DLG2: variants seen among roughly 807,000 people sequenced by gnomAD.
DLG2 encodes the protein discs large MAGUK scaffold protein 2, also known as disks large homolog 2.
A neutral mutation model predicts 132.5 loss-of-function variants in DLG2; 45 were observed. The ratio of observed to expected loss-of-function variants is 0.34; its 90% CI spans 0.27 to 0.44. The LOEUF (loss-of-function observed/expected upper bound fraction) is 0.44, where lower values mean the gene tolerates loss of function less well. DLG2 is among the 20% of genes least tolerant of loss of function. The pLI, the probability that DLG2 is intolerant of heterozygous loss-of-function variation, is 1.00. For missense variants in DLG2, 1,045 were observed against 1,196.9 expected (o/e 0.87, Z 1.87); for synonymous variants, 424 against 419.6 (o/e 1.01, Z -0.13).
intron 6 of DLG2, among the ~76,000 whole-genome samples, chr11:84,746,853 AG>A (rs1389224602): frequency 1.3e-5 from 2 of 152,160 alleles, no homozygotes; most frequent in African/African-American, 4.8e-5. Flanking sequence ...GTGTATCCTC[AG>A]GAAGGTAGTA....
chr11:83,641,778 C>A (rs2066582313), intron 18 of DLG2, among the ~76,000 whole-genome samples: 1 of 152,086 alleles, frequency 6.6e-6, no homozygotes, highest in African/African-American at 2.4e-5. Context: ...AGTTGCCAAC[C>A]TGCCTCTGTG....
chr11:84,973,021 G>A (rs967796390), intron 6 of DLG2, among the ~76,000 whole-genome samples: 9 of 150,410 alleles, frequency 6.0e-5, no homozygotes, highest in Admixed American at 4.7e-4. Context: ...GCAGTGGCGC[G>A]ATCTCAGCTC....
intron 8 of DLG2, among the ~76,000 whole-genome samples, chr11:84,174,034 T>TTTTTTTTTTTTTTTTC (rs1252522989): frequency 1.4e-5 from 2 of 144,914 alleles, no homozygotes; most frequent in Non-Finnish European, 3.0e-5. Context: ...TTTTTTTTTT[T>TTTTTTTTTTTTTTTTC]TTCTGAGTAA....
intron 21 of DLG2, among the ~76,000 whole-genome samples, chr11:83,530,092 G>GTCTATCTA (rs1368387747): frequency 2.6e-5 from 4 of 151,856 alleles, no homozygotes; most frequent in African/African-American, 9.7e-5. Context: ...CTGTCTGTCT[G>GTCTATCTA]TCTGTCTATC....
chr11:83,513,168 A>G (rs1232810875), intron 21 of DLG2, among the ~76,000 whole-genome samples: 1 of 152,108 alleles, frequency 6.6e-6, no homozygotes. Context: ...AAGTGTTCCT[A>G]TTTCTCCACA....
intron 4 of DLG2, among the ~76,000 whole-genome samples, chr11:85,225,943 T>G (rs2033211084): frequency 6.6e-6 from 1 of 152,096 alleles, no homozygotes; most frequent in South Asian, 2.1e-4. Context: ...ACTTGTTCCT[T>G]CTCTGTATTA....
intron 10 of DLG2, among the ~76,000 whole-genome samples, chr11:84,097,857 G>A (rs928075793): frequency 6.6e-6 from 1 of 151,952 alleles, no homozygotes; most frequent in Non-Finnish European, 1.5e-5. Flanking sequence ...AACCTATAGT[G>A]CCTTTTAGCT....
chr11:84,468,090 C>T (rs1567713119), intron 7 of DLG2, among the ~76,000 whole-genome samples: 2 of 151,420 alleles, frequency 1.3e-5, no homozygotes, highest in Non-Finnish European at 3.0e-5. Context: ...CATGAATAAC[C>T]TAAAAAACAA....
intron 6 of DLG2, among the ~76,000 whole-genome samples, chr11:84,629,518 C>T (rs1286362883): frequency 1.3e-5 from 2 of 152,182 alleles, no homozygotes; most frequent in Admixed American, 6.5e-5. Flanking sequence ...ATCACACCGG[C>T]AGAAATGCCT....
intron 2 of DLG2, among the ~76,000 whole-genome samples, chr11:85,617,303 G>C (rs779439517): frequency 1.3e-5 from 2 of 152,130 alleles, no homozygotes; most frequent in Non-Finnish European, 1.5e-5. Flanking sequence ...AATAAATAAT[G>C]ATCTGAAACA....
chr11:84,770,769 C>A (rs1278172101), intron 6 of DLG2, among the ~76,000 whole-genome samples: 1 of 151,702 alleles, frequency 6.6e-6, no homozygotes, highest in Non-Finnish European at 1.5e-5. Flanking sequence ...CCTCAGCCTC[C>A]CTAGTAGCTG....
intron 3 of DLG2, among the ~76,000 whole-genome samples, chr11:85,296,178 CTT>C (rs1444803736): frequency 6.6e-6 from 1 of 152,052 alleles, no homozygotes; most frequent in Non-Finnish European, 1.5e-5. Context: ...AAATAATAGA[CTT>C]TGGAGGAATC....
At chr11:85,109,534 C>T (rs919076202) in intron 6 of DLG2, among the ~76,000 whole-genome samples, 2 of 151,984 alleles carry the variant, frequency 1.3e-5, no homozygotes, top group Non-Finnish European at 2.9e-5. Context: ...GAAAGATGAA[C>T]GATTTATAAT....
At chr11:84,275,397 C>T (rs1162576120) in intron 7 of DLG2, among the ~76,000 whole-genome samples, 4 of 151,966 alleles carry the variant, frequency 2.6e-5, no homozygotes, top group Non-Finnish European at 5.9e-5. Context: ...CTCTGTCGCC[C>T]AGGCTGGAGT....
chr11:83,601,229 G>T (rs1053270613), intron 19 of DLG2, among the ~76,000 whole-genome samples: 1 of 152,204 alleles, frequency 6.6e-6, no homozygotes, highest in African/African-American at 2.4e-5. Flanking sequence ...GGTACACTGA[G>T]ATTACTTTGC....
At chr11:84,307,695 CAAAAAAAAAAA>C (rs1222486667) in intron 7 of DLG2, among the ~76,000 whole-genome samples, 3 of 78,024 alleles carry the variant, frequency 3.8e-5, no homozygotes, top group Non-Finnish European at 7.8e-5. Flanking sequence ...GACGCAGTCT[CAAAAAAAAAAA>C]AAAAAAAAAA....
chr11:83,619,844 C>G (rs1018094823), intron 19 of DLG2, among the ~76,000 whole-genome samples: 9 of 150,954 alleles, frequency 6.0e-5, no homozygotes, highest in African/African-American at 2.2e-4. Flanking sequence ...AAGCAGAGAC[C>G]CCTTCCTGAT....
chr11:83,930,617 C>A, intron 14 of DLG2, 134 bp from the exon 15 acceptor site: 1 of 902,780 alleles, frequency 1.1e-6, no homozygotes, highest in East Asian at 2.8e-5. Flanking sequence ...TAAAAGAAAC[C>A]CAATTTTCCA....
intron 10 of DLG2, among the ~76,000 whole-genome samples, chr11:84,088,618 T>G (rs960154325): frequency 2.0e-5 from 3 of 152,196 alleles, no homozygotes; most frequent in African/African-American, 7.2e-5. Context: ...ACTTGTCGAT[T>G]GCCAGTCACC....
Sources: allele counts gnomAD v4.1 joint callset (sites outside exome capture counted in the v4.1 genomes callset), GRCh38; gene constraint gnomAD v4.1.1; transcripts MANE v1.5; gene names NCBI Gene and HGNC (gene_info 2026-07-23, HGNC 2026-07-21).